The following TBPL1 variants were observed in gnomAD, a reference collection of about 807,000 sequenced individuals.
TBPL1 encodes TATA-box binding protein like 1.
In TBPL1, 4 loss-of-function variants were observed where a neutral mutation model predicts 22.1. The ratio of observed to expected loss-of-function variants is 0.18; its 90% CI spans 0.09 to 0.41. The LOEUF (loss-of-function observed/expected upper bound fraction) is 0.41, where lower values mean the gene tolerates loss of function less well. Ranked by LOEUF, TBPL1 falls within the 10% of genes least tolerant of loss-of-function variation. TBPL1 has a pLI of 1.00. For missense variants in TBPL1, 115 were observed against 222.3 expected, an observed-to-expected ratio of 0.52 and a Z score of 3.07; for synonymous variants, 64 against 71.0, an observed-to-expected ratio of 0.90 and a Z score of 0.50.
chr6:133,976,280 T>C (rs1420204297), intron 1 of TBPL1, among the ~76,000 whole-genome samples: 1 of 152,226 alleles, frequency 6.6e-6, no homozygotes. Context: ...GTTAAGAGTT[T>C]GAAATGTTCG....
At chr6:133,974,721 A>G (rs1776283971) in intron 1 of TBPL1, among the ~76,000 whole-genome samples, 1 of 152,246 alleles carries the variant, frequency 6.6e-6, no homozygotes, top group Admixed American at 6.5e-5. Flanking sequence ...AGTATCTCCT[A>G]TAGAAAGTTT....
intron 2 of TBPL1, among the ~76,000 whole-genome samples, chr6:133,980,947 G>A (rs1776401310): frequency 6.7e-6 from 1 of 148,862 alleles, no homozygotes; most frequent in Non-Finnish European, 1.5e-5. Context: ...TATGTAAATT[G>A]CCATTAATTA....
intron 1 of TBPL1, among the ~76,000 whole-genome samples, chr6:133,970,864 A>G (rs556054456): frequency 6.6e-6 from 1 of 152,250 alleles, no homozygotes; most frequent in Non-Finnish European, 1.5e-5. Flanking sequence ...ATACATATTT[A>G]TGAGGTACAG....
intron 1 of TBPL1, among the ~76,000 whole-genome samples, chr6:133,959,238 C>T (rs778035567): frequency 1.3e-5 from 2 of 152,076 alleles, no homozygotes; most frequent in Non-Finnish European, 2.9e-5. Context: ...CAGGGTTTCC[C>T]CATGTTGGCC....
chr6:133,966,929 A>G (rs1161495594), intron 1 of TBPL1, among the ~76,000 whole-genome samples: 1 of 152,166 alleles, frequency 6.6e-6, no homozygotes, highest in African/African-American at 2.4e-5. Context: ...ATACATTTTT[A>G]TAATGCAAAT....
chr6:133,984,266 T>C (rs2114388919), intron 4 of TBPL1, 110 bp from the exon 5 acceptor site: 1 of 765,450 alleles, frequency 1.3e-6, no homozygotes, highest in East Asian at 2.7e-5. Flanking sequence ...ACACTTAAAA[T>C]GTTTTTGTTT....
At chr6:133,986,646 A>C (rs1191214318) in intron 6 of TBPL1, among the ~76,000 whole-genome samples, 1 of 152,150 alleles carries the variant, frequency 6.6e-6, no homozygotes. Flanking sequence ...ATTTAGTCCC[A>C]TTTGTTACTC....
intron 1 of TBPL1, among the ~76,000 whole-genome samples, chr6:133,954,466 C>G (rs537556988): frequency 1.3e-5 from 2 of 152,344 alleles, no homozygotes; most frequent in South Asian, 2.1e-4. Context: ...TTAGCACTAT[C>G]TGGTTGAAAG....
In TBPL1 at chr6:133,984,389, A is replaced by G; in HGVS notation, c.296A>G (p.Asp99Gly). 1 of 1,610,840 alleles carries G rather than the reference A, an allele frequency of 6.2e-7. No individual in the cohort carries two copies. The highest frequency in any genetic ancestry group is 1.3e-5 in the African/African-American group (1 of 74,844). Residue 99 changes from aspartate to glycine, a missense_variant, in exon 5 of 7, where the codon GAT becomes GGT. Coordinates refer to ENST00000237264, the MANE Select transcript of TBPL1 (RefSeq NM_004865.4). Reference protein sequence around the residue: ...QKLGFQVIFTDFKVVNVLAVC... With the variant: ...QKLGFQVIFTGFKVVNVLAVC... ...TCTCTCCTAAAGGTAATATTTACAG[A>G]TTTTAAGGTTGTTAACGTTCTGGCA...
At chr6:133,967,640 CT>C (rs913280425) in intron 1 of TBPL1, among the ~76,000 whole-genome samples, 2 of 152,068 alleles carry the variant, frequency 1.3e-5, no homozygotes, top group Admixed American at 6.5e-5. Flanking sequence ...TTACTGAGTA[CT>C]GTAGGCAGTT....
chr6:133,971,999 G>A (rs570204937), intron 1 of TBPL1, among the ~76,000 whole-genome samples: 3 of 152,084 alleles, frequency 2.0e-5, no homozygotes, highest in Admixed American at 2.0e-4. Flanking sequence ...GCATTTTTTG[G>A]TGCTAAAATA....
At chr6:133,961,461 CTTTCTTTTTTTTTTT>C (rs1056935381) in intron 1 of TBPL1, among the ~76,000 whole-genome samples, 2 of 134,992 alleles carry the variant, frequency 1.5e-5, no homozygotes, top group African/African-American at 5.5e-5. Context: ...AAGATTCTTT[CTTTCTTTTTTTTTTT>C]TTTTTTTTTT....
Position 133,989,411 on chromosome 6 carries a change from A to C in TBPL1, c.*2371A>C, listed in dbSNP as rs1309593150. 6.6e-6 allele frequency: 1 copy of C among 152,194 alleles called. No individual in the cohort carries two copies. The highest frequency in any genetic ancestry group is 6.5e-5 in the Admixed American group (1 of 15,270). 9.4% of individuals were successfully genotyped at this position (152,194 alleles called of 1,614,324 possible). A position where few individuals can be genotyped will look rare whatever the true frequency, so the allele number is the denominator to read the frequency against. ...CAAGGTCACTAGTAATAAACTGGCTAGGTTGATAAACAATTTCCTGCCCAT... is the reference window on the plus strand; with the variant it reads ...CAAGGTCACTAGTAATAAACTGGCTCGGTTGATAAACAATTTCCTGCCCAT... On this transcript the variant is annotated 3_prime_UTR_variant, in exon 7 of 7. Coordinates refer to ENST00000237264, the MANE Select transcript of TBPL1 (RefSeq NM_004865.4).
chr6:133,960,897 A>G (rs530056338), intron 1 of TBPL1, among the ~76,000 whole-genome samples: 1 of 152,352 alleles, frequency 6.6e-6, no homozygotes, highest in South Asian at 2.1e-4. Context: ...AAAAATGCTG[A>G]AGGTCAGTAG....
At chr6:133,952,920 C>G (rs932678115), upstream of TBPL1, among the ~76,000 whole-genome samples, 4 of 152,132 alleles carry the variant, frequency 2.6e-5, no homozygotes, top group Non-Finnish European at 5.9e-5. This position sits in a 1 kb window ranked among gnomAD's most constrained non-coding sequence, Gnocchi z 4.5. Flanking sequence ...GTTTTCAGAA[C>G]CCTTTCAAGC....
chr6:133,963,341 G>A (rs1776056004), intron 1 of TBPL1, among the ~76,000 whole-genome samples: 2 of 152,028 alleles, frequency 1.3e-5, no homozygotes, highest in African/African-American at 4.8e-5. Context: ...TCAAAATTAG[G>A]GCCCTATCAA....
Position 133,967,723 on chromosome 6 carries a change from A to G in TBPL1, c.-44-12359A>G, listed in dbSNP as rs945602114. 5.3e-5 allele frequency among the ~76,000 whole-genome samples: 8 copies of G among 152,312 alleles called. No individual in the cohort carries two copies. The East Asian group carries it at 9.6e-4, about 18-fold the overall frequency. On this transcript the variant is annotated intron_variant, in intron 1 of 6. Transcript: ENST00000237264. ...AGTAGAACTACGGTATTATAATATT[A>G]TGGACCCCTGGACCAAAACATTGTT...
At chr6:133,955,324 C>T (rs1219497367) in intron 1 of TBPL1, among the ~76,000 whole-genome samples, 1 of 151,064 alleles carries the variant, frequency 6.6e-6, no homozygotes, top group African/African-American at 2.4e-5. Context: ...GCTTTCCCTG[C>T]TCTCCTCCGC....
chr6:133,979,274 C>T (rs1017366368), intron 1 of TBPL1, among the ~76,000 whole-genome samples: 11 of 152,102 alleles, frequency 7.2e-5, no homozygotes, highest in Non-Finnish European at 1.5e-4. Context: ...TGAGAAAAGT[C>T]TGTTAGTAAA....
Sources: gnomAD v4.1 joint callset for allele counts (sites outside exome capture counted in the v4.1 genomes callset) on GRCh38, gnomAD v4.1.1 for gene constraint, Gnocchi (gnomAD v3.1) non-coding constraint, MANE v1.5 for transcripts, NCBI Gene and HGNC (gene_info 2026-07-23, HGNC 2026-07-21) for gene names.